Variants in SAMD12 observed in about 807,000 individuals in gnomAD.
The protein encoded by SAMD12 is sterile alpha motif domain-containing protein 12.
Under a neutral mutation model 15.0 loss-of-function variants are expected in SAMD12, and 9 were observed. The observed-to-expected ratio is 0.60, with a 90% CI of 0.36 to 1.05. The LOEUF (loss-of-function observed/expected upper bound fraction) is 1.05, where lower values mean the gene tolerates loss of function less well. Ranked by LOEUF, SAMD12 falls within the 50% of genes least tolerant of loss-of-function variation. The probability of loss-of-function intolerance (pLI) is 0.01; values close to 1 mark genes in which losing one functional copy is unlikely to be tolerated. For synonymous variants in SAMD12, 86 were observed against 90.1 expected, an observed-to-expected ratio of 0.96 and a Z score of 0.25; for missense variants, 230 against 234.2, an observed-to-expected ratio of 0.98 and a Z score of 0.12.
intron 2 of SAMD12, among the ~76,000 whole-genome samples, chr8:118,543,211 C>T (rs540386320): frequency 4.6e-5 from 7 of 152,270 alleles, no homozygotes; most frequent in Admixed American, 6.5e-5. Flanking sequence ...TCCCGCCTCC[C>T]GCCTCACTGT....
chr8:118,531,912 C>A (rs182556914), intron 2 of SAMD12, among the ~76,000 whole-genome samples: 1 of 152,222 alleles, frequency 6.6e-6, no homozygotes, highest in Admixed American at 6.5e-5. Context: ...AATTGAATAC[C>A]CTTTATTTCT....
At chr8:118,606,805 G>A (rs150058016) in intron 1 of SAMD12, among the ~76,000 whole-genome samples, 3 of 152,290 alleles carry the variant, frequency 2.0e-5, no homozygotes, top group Non-Finnish European at 1.5e-5. Context: ...CAGGAGATAG[G>A]AGAAGGAAAT....
chr8:118,503,926 C>A (rs1265890263), intron 2 of SAMD12, among the ~76,000 whole-genome samples: 1 of 152,162 alleles, frequency 6.6e-6, no homozygotes, highest in Non-Finnish European at 1.5e-5. Flanking sequence ...AGGGGTCATA[C>A]CTCAAACCTG....
intron 4 of SAMD12, among the ~76,000 whole-genome samples, chr8:118,343,732 T>G (rs1175560806): frequency 6.6e-6 from 1 of 152,122 alleles, no homozygotes; most frequent in Non-Finnish European, 1.5e-5. Flanking sequence ...ACAGACCCCT[T>G]GGGCCAAGGA....
chr8:118,584,505 C>T (rs547302544), intron 1 of SAMD12, among the ~76,000 whole-genome samples: 1 of 152,236 alleles, frequency 6.6e-6, no homozygotes, highest in South Asian at 2.1e-4. Flanking sequence ...TAATCTTCAC[C>T]ACCACTCCTG....
chr8:118,423,519 C>T (rs1490640144), intron 3 of SAMD12, among the ~76,000 whole-genome samples: 1 of 152,216 alleles, frequency 6.6e-6, no homozygotes, highest in Non-Finnish European at 1.5e-5. Context: ...ATCCAGCCTT[C>T]TCTAAGCAGA....
At chr8:118,541,189 C>A (rs1825974949) in intron 2 of SAMD12, among the ~76,000 whole-genome samples, 1 of 152,098 alleles carries the variant, frequency 6.6e-6, no homozygotes, top group African/African-American at 2.4e-5. Context: ...GCTAGTGAGC[C>A]CACTTTTCTG....
chr8:118,457,767 G>A (rs969365330), intron 2 of SAMD12, among the ~76,000 whole-genome samples: 30 of 152,144 alleles, frequency 2.0e-4, no homozygotes, highest in Admixed American at 6.5e-5. Context: ...AAAGATAAAT[G>A]TCAGCATCCA....
At chr8:118,464,227 T>C (rs1326620971) in intron 2 of SAMD12, among the ~76,000 whole-genome samples, 1 of 152,226 alleles carries the variant, frequency 6.6e-6, no homozygotes, top group African/African-American at 2.4e-5. Flanking sequence ...TTTATATAGC[T>C]GATGCGGCTA....
intron 2 of SAMD12, among the ~76,000 whole-genome samples, chr8:118,542,385 A>G (rs769772365): frequency 2.0e-5 from 3 of 152,256 alleles, no homozygotes. Flanking sequence ...TGTCTTAGAT[A>G]TAATTTAAAA....
intron 1 of SAMD12, 132 bp downstream of exon 1, chr8:118,621,672 G>A: frequency 1.0e-6 from 1 of 993,864 alleles, no homozygotes; most frequent in Non-Finnish European, 1.6e-6. Flanking sequence ...GCCAAGAGGT[G>A]GAGGAGGAAG....
intron 4 of SAMD12, among the ~76,000 whole-genome samples, chr8:118,281,537 T>A (rs895178294): frequency 1.3e-5 from 2 of 152,192 alleles, no homozygotes; most frequent in African/African-American, 4.8e-5. Flanking sequence ...TAGGAATAGG[T>A]CTGCTGACAT....
chr8:118,487,878 C>A (rs1223355338), intron 2 of SAMD12, among the ~76,000 whole-genome samples: 2 of 152,146 alleles, frequency 1.3e-5, no homozygotes, highest in African/African-American at 4.8e-5. Context: ...GACAGACTGA[C>A]AAAACTCACT....
At chr8:118,433,141 T>C (rs9643130) in intron 3 of SAMD12, among the ~76,000 whole-genome samples, 88,559 of 151,886 alleles carry the variant, frequency 0.58, 26,762 homozygotes, top group Admixed American at 0.66. Context: ...CTCTCTCCTG[T>C]CCTCCATTTG....
chr8:118,426,054 G>A (rs1382474512), intron 3 of SAMD12, among the ~76,000 whole-genome samples: 1 of 152,146 alleles, frequency 6.6e-6, no homozygotes, highest in Non-Finnish European at 1.5e-5. Flanking sequence ...ACATCACGAT[G>A]CCATGCTTTT....
At chr8:118,135,310 T>C in the SAMD12 span, among the ~76,000 whole-genome samples, 1 of 151,904 alleles carries the variant, frequency 6.6e-6, no homozygotes, top group South Asian at 2.1e-4. Flanking sequence ...GCCTCCTGAG[T>C]AGCTGGGATT....
chr8:118,186,077 T>C (rs17507096), downstream of SAMD12, among the ~76,000 whole-genome samples: 1,830 of 152,294 alleles, frequency 0.012, 46 homozygotes, highest in African/African-American at 0.042. Flanking sequence ...AAGTGCTACA[T>C]TGAACAAATG....
At chr8:118,205,913 C>A (rs1819848866) in intron 4 of SAMD12, among the ~76,000 whole-genome samples, 1 of 151,992 alleles carries the variant, frequency 6.6e-6, no homozygotes, top group South Asian at 2.1e-4. Context: ...TTTTCCTCAG[C>A]CCTTGGGGAA....
At chr8:118,355,900 T>G (rs150510969) in intron 4 of SAMD12, among the ~76,000 whole-genome samples, 59 of 152,306 alleles carry the variant, frequency 3.9e-4, no homozygotes, top group African/African-American at 1.4e-3. Flanking sequence ...CTGAAGCAAT[T>G]TAATGGAAGT....
Sources: allele counts gnomAD v4.1 joint callset (sites outside exome capture counted in the v4.1 genomes callset), GRCh38; gene constraint gnomAD v4.1.1; transcripts MANE v1.5; gene names NCBI Gene and HGNC (gene_info 2026-07-23, HGNC 2026-07-21).